The following ECD variants were observed in gnomAD, a reference collection of about 807,000 sequenced individuals.
The protein encoded by ECD is protein ecdysoneless homolog.
A neutral mutation model predicts 77.2 loss-of-function variants in ECD; 59 were observed. The observed-to-expected ratio is 0.76, with a 90% confidence interval of 0.62 to 0.95. ECD has a LOEUF of 0.95. ECD is among the 40% of genes least tolerant of loss of function. ECD has a pLI of 0.00. For missense variants in ECD, 704 were observed against 763.4 expected, an observed-to-expected ratio of 0.92 and a Z score of 0.92; for synonymous variants, 233 against 267.4, an observed-to-expected ratio of 0.87 and a Z score of 1.26.
At chr10:73,152,208 T>A in intron 7 of ECD, 85 bp downstream of exon 7, 4 of 1,496,928 alleles carry the variant, frequency 2.7e-6, no homozygotes, top group Non-Finnish European at 3.6e-6. Context: ...AGGGTGTATT[T>A]CTGGACTTTG....
At chr10:73,135,146 A>G (rs1443591550) in intron 13 of ECD, among the ~76,000 whole-genome samples, 1 of 152,218 alleles carries the variant, frequency 6.6e-6, no homozygotes, top group Non-Finnish European at 1.5e-5. Context: ...AAAAGAAACA[A>G]ACATAAAAGT....
chr10:73,142,632 CAAAA>C (rs35853120), intron 9 of ECD, among the ~76,000 whole-genome samples: 6 of 74,052 alleles, frequency 8.1e-5, no homozygotes, highest in Admixed American at 3.1e-4. Context: ...GACTCCATCT[CAAAA>C]AAAAAAAAAA....
At chr10:73,157,663 G>A (rs558640429) in intron 3 of ECD, among the ~76,000 whole-genome samples, 17 of 151,278 alleles carry the variant, frequency 1.1e-4, no homozygotes, top group African/African-American at 3.9e-4. Flanking sequence ...CAGAGGTTGC[G>A]GTGAGCCGAG....
At chr10:73,161,427 A>G (rs569650713) in intron 2 of ECD, among the ~76,000 whole-genome samples, 1 of 152,314 alleles carries the variant, frequency 6.6e-6, no homozygotes, top group Admixed American at 6.5e-5. Context: ...TCTATGAACA[A>G]TGGTATACCA....
In ECD at chr10:73,163,951, C is replaced by G. The variant is rs751000687; in HGVS notation, c.-13-1G>C. Reference sequence around the variant, plus strand: ...GGTTTCTTCCATTCTTCTTTGAAAACTATGTTTAAAGTTCCAAAATATAAA... The same window carrying G: ...GGTTTCTTCCATTCTTCTTTGAAAAGTATGTTTAAAGTTCCAAAATATAAA... On this transcript the variant is annotated splice_acceptor_variant, in intron 1 of 13. Coordinates refer to ENST00000372979, the MANE Select transcript of ECD (RefSeq NM_007265.3). LOFTEE classifies it low-confidence loss of function (5UTR_SPLICE). 1 of 1,613,140 alleles carries G rather than the reference C, an allele frequency of 6.2e-7. No homozygotes were observed. Among genetic ancestry groups the G allele is most frequent in the African/African-American group, 1.3e-5 (1 of 74,738 alleles).
chr10:73,133,974 G>A lies in ECD; in HGVS notation c.*609C>T, dbSNP rs1402445963. The A allele has an allele frequency of 1.3e-5, 2 of 152,286 alleles. No homozygotes were observed. The highest frequency in any genetic ancestry group is 2.9e-5 in the Non-Finnish European group (2 of 68,262). 9.4% of individuals were successfully genotyped at this position (152,286 alleles called of 1,614,324 possible). ...CTAATATTCTAGAATTAGATGGTAG[G>A]GATGGTTGCACAATTTTGTAAATAT... On this transcript the variant is annotated 3_prime_UTR_variant, in exon 14 of 14. Coordinates refer to ENST00000372979, the MANE Select transcript of ECD (RefSeq NM_007265.3).
At position 73,134,708 on chromosome 10, in the gene ECD, T is replaced by A. The variant is rs141589370; in HGVS notation, c.1810A>T (p.Ile604Leu). 3.8e-5 allele frequency: 61 copies of A among 1,614,152 alleles called. No homozygotes were observed. The African/African-American group carries it at 7.1e-4, about 19-fold the overall frequency. The change falls in exon 14 of 14, where the codon ATA becomes TTA. Residue 604 changes from isoleucine (I) to leucine (L), a missense_variant. Physicochemically the swap from Ile to Leu is conservative, Grantham distance 5. This residue lies in a region of ECD where 142 missense variants were observed against 163.6 expected (regional missense o/e 0.87). Transcript: ENST00000372979. ...VDVDLNLVSN[I>L]LESYSSQAGL... ...GCTTGGGAGCTATAGGATTCCAATA[T>A]ATTTGAAACCAGGTTCAGGTCTACA...
At chr10:73,143,832 C>CTCT (rs1843090341) in intron 9 of ECD, among the ~76,000 whole-genome samples, 1 of 106,770 alleles carries the variant, frequency 9.4e-6, no homozygotes, top group South Asian at 3.1e-4. Flanking sequence ...TTATAACTTG[C>CTCT]TTTTTTTTTT....
chr10:73,146,186 AAATAAATAAGAAT>A, intron 9 of ECD, 77 bp downstream of exon 9: 1 of 640,040 alleles, frequency 1.6e-6, no homozygotes, highest in East Asian at 5.1e-5. Flanking sequence ...TCAAAAAAAT[AAATAAATAAGAAT>A]AATAAATAAT....
rs540494698 is a variant in ECD, at chr10:73,163,563, T to A, written c.205+170A>T. ...AAGTTTTCATTAATATGATTTTTTT[T>A]AAAAAAAAGCTTTAAGGCTAACTGA... On this transcript the variant is annotated intron_variant, in intron 2 of 13. Transcript: ENST00000372979. 2.9e-4 allele frequency among the ~76,000 whole-genome samples: 44 copies of A among 152,008 alleles called. No homozygotes were observed. In the South Asian group the frequency reaches 5.2e-3, roughly 18 times the overall value.
rs151323466 is a variant in ECD, at chr10:73,138,327, C to A, written c.1422-257G>T. Among the ~76,000 whole-genome samples the A allele has an allele frequency of 3.3e-5, 5 of 152,246 alleles. No individual in the cohort carries two copies. In the East Asian group the frequency reaches 9.6e-4, roughly 29 times the overall value. On this transcript the variant is annotated intron_variant, in intron 11 of 13. Coordinates refer to ENST00000372979, the MANE Select transcript of ECD (RefSeq NM_007265.3). ...CATTTAGCTTATGCTGATTTAGGGA[C>A]CTACCCACTCTCTAGCCCCAATAAG... is the stretch of plus-strand genomic sequence containing the variant.
At chr10:73,157,850 T>C (rs1843318297) in intron 3 of ECD, among the ~76,000 whole-genome samples, 1 of 152,146 alleles carries the variant, frequency 6.6e-6, no homozygotes, top group Non-Finnish European at 1.5e-5. Context: ...AATCTAACTA[T>C]AGAAATATAT....
intron 2 of ECD, among the ~76,000 whole-genome samples, chr10:73,161,828 T>C (rs1843384662): frequency 6.6e-6 from 1 of 152,200 alleles, no homozygotes; most frequent in South Asian, 2.1e-4. Context: ...AAATAGATTA[T>C]TCACCACGAC....
intron 5 of ECD, among the ~76,000 whole-genome samples, chr10:73,155,692 G>A (rs551826992): frequency 4.1e-5 from 6 of 148,064 alleles, no homozygotes; most frequent in African/African-American, 1.5e-4. Context: ...TCCGCCTCCC[G>A]GGTTCAAGCG....
Position 73,163,846 on chromosome 10 carries a change from T to C in ECD, c.92A>G (p.His31Arg), listed in dbSNP as rs757730379. ...IPDESRDSDK[H>R]KEILQKYIER... ...AATGTACTTCTGAAGAATCTCTTTA[T>C]GTTTATCTGAGTCCCTTGACTCATC... Residue 31 changes from histidine to arginine, a missense_variant, in exon 2 of 14, where the codon CAT (histidine) becomes CGT (arginine). Coordinates refer to ENST00000372979, the MANE Select transcript of ECD (RefSeq NM_007265.3). 1.9e-6 allele frequency: 3 copies of C among 1,614,208 alleles called. No individual in the cohort carries two copies. Among genetic ancestry groups the C allele is most frequent in the Non-Finnish European group, 2.5e-6 (3 of 1,180,034 alleles).
In ECD at chr10:73,134,767, G is replaced by C; in HGVS notation, c.1751C>G (p.Ser584Cys). 1 of 1,614,172 alleles carries C rather than the reference G, an allele frequency of 6.2e-7. No homozygotes were observed. The highest frequency in any genetic ancestry group is 1.3e-5 in the African/African-American group (1 of 75,044). ...TGCCATAACAGATTCTCCCGTACCAGAATCTTCCTCATCTGAATTGTTATC... is the reference window on the plus strand; with the variant it reads ...TGCCATAACAGATTCTCCCGTACCACAATCTTCCTCATCTGAATTGTTATC... ...TTDNNSDEED[S>C]GTGESVMAPV... Residue 584 changes from serine to cysteine, a missense_variant, in exon 14 of 14, where the codon TCT (serine) becomes TGT (cysteine). This residue lies in a region of ECD where 142 missense variants were observed against 163.6 expected (regional missense o/e 0.87). Transcript: ENST00000372979.
intron 7 of ECD, among the ~76,000 whole-genome samples, chr10:73,150,731 T>C (rs975802192): frequency 2.0e-5 from 3 of 152,212 alleles, no homozygotes; most frequent in Admixed American, 6.5e-5. Flanking sequence ...AACAGACACT[T>C]CTCAAAAGAA....
In ECD at chr10:73,149,835, T is replaced by C. The variant is rs140530701; in HGVS notation, c.913-1431A>G. ...AACAATGTCTGAGAATGTTTTTCTG[T>C]ATATATTCTCAACAACCCAGTATGT... On this transcript the variant is annotated intron_variant, in intron 7 of 13. Coordinates refer to ENST00000372979, the MANE Select transcript of ECD (RefSeq NM_007265.3). 8.5e-4 allele frequency among the ~76,000 whole-genome samples: 129 copies of C among 152,294 alleles called. 2 individuals carry two copies. In the East Asian group the frequency reaches 0.022, roughly 26 times the overall value.
intron 3 of ECD, among the ~76,000 whole-genome samples, chr10:73,157,629 G>A (rs1193354346): frequency 6.6e-6 from 1 of 151,468 alleles, no homozygotes; most frequent in Non-Finnish European, 1.5e-5. Flanking sequence ...GGCTGAGGTA[G>A]GAGAATTGCT....
Sources: allele counts gnomAD v4.1 joint callset (sites outside exome capture counted in the v4.1 genomes callset), GRCh38; gene constraint gnomAD v4.1.1; regional missense constraint gnomAD v4.1.1; transcripts MANE v1.5; gene names NCBI Gene and HGNC (gene_info 2026-07-23, HGNC 2026-07-21).